Variants in PCDHGB2 observed in about 807,000 individuals in gnomAD.
PCDHGB2 encodes protocadherin gamma subfamily B, 2.
A neutral mutation model predicts 59.3 loss-of-function variants in PCDHGB2; 55 were observed. The ratio of observed to expected loss-of-function variants is 0.93; its 90% confidence interval spans 0.75 to 1.16. The LOEUF (loss-of-function observed/expected upper bound fraction) is 1.16, where lower values mean the gene tolerates loss of function less well. Among genes scored for constraint, PCDHGB2 ranks in the 50% most tolerant of loss-of-function variants. PCDHGB2 has a pLI of 0.00. For missense variants in PCDHGB2, 1,228 were observed against 1,198.5 expected, an observed-to-expected ratio of 1.02 and a Z score of -0.36; for synonymous variants, 516 against 512.0, an observed-to-expected ratio of 1.01 and a Z score of -0.11.
rs1333168918 is a variant in PCDHGB2, at chr5:141,375,648, A to G, written c.2421+13092A>G. On this transcript the variant is annotated intron_variant, in intron 1 of 3. Coordinates refer to ENST00000522605, the MANE Select transcript of PCDHGB2 (RefSeq NM_018923.3). The stretch of plus-strand genomic sequence containing the variant: ...CTGTACGCCCTGCGCTCCTTCGACT[A>G]TGAGCAGTTGAGAGACCTACAGCTG... 3.7e-6 allele frequency: 6 copies of G among 1,614,030 alleles called. No individual in the cohort carries two copies. The African/African-American group carries it at 6.7e-5, about 18-fold the overall frequency.
chr5:141,421,910 C>G, intron 1 of PCDHGB2: 1 of 1,613,716 alleles, frequency 6.2e-7, no homozygotes, highest in Non-Finnish European at 8.5e-7. Flanking sequence ...GGCGCAGTTC[C>G]CATTCGTGTG....
chr5:141,360,953 T>G lies in PCDHGB2; in HGVS notation c.818T>G (p.Ile273Arg). 6.2e-7 allele frequency: 1 copy of G among 1,613,930 alleles called. No individual in the cohort carries two copies. The highest frequency in any genetic ancestry group is 8.5e-7 in the Non-Finnish European group (1 of 1,179,878). ...ACAGCCACCGACCGGGATGAAGGCATAAACGCAGAGATCACCTACTCCTTT... is the reference window on the plus strand; with the variant it reads ...ACAGCCACCGACCGGGATGAAGGCAGAAACGCAGAGATCACCTACTCCTTT... ...QVTATDRDEG[I>R]NAEITYSFHN... Residue 273 changes from isoleucine to arginine, a missense_variant, in exon 1 of 4, where the codon ATA becomes AGA. Around this residue, in one of 3 missense-constraint regions of PCDHGB2, gnomAD observed 781 missense variants for 721.6 expected, o/e 1.08. Coordinates refer to ENST00000522605, the MANE Select transcript of PCDHGB2 (RefSeq NM_018923.3).
At chr5:141,414,135 A>G in intron 1 of PCDHGB2, 1 of 1,595,504 alleles carries the variant, frequency 6.3e-7, no homozygotes, top group Non-Finnish European at 8.5e-7. Context: ...GTTTCTATGA[A>G]ATAGAAATAC....
chr5:141,422,092 G>A (rs2154549502), intron 1 of PCDHGB2: 6 of 1,611,520 alleles, frequency 3.7e-6, no homozygotes, highest in Non-Finnish European at 5.1e-6. Flanking sequence ...GGAAAGCAAG[G>A]CTTCTGAAAT....
intron 1 of PCDHGB2, chr5:141,399,398 G>A (rs1374441258): frequency 6.2e-7 from 1 of 1,613,972 alleles, no homozygotes; most frequent in Non-Finnish European, 8.5e-7. Flanking sequence ...ACAGACAGGG[G>A]CAAGCCGCCC....
intron 1 of PCDHGB2, chr5:141,420,202 C>G: frequency 1.2e-6 from 2 of 1,613,256 alleles, no homozygotes; most frequent in Non-Finnish European, 1.7e-6. Context: ...AAGATAACCT[C>G]AACAAAGATA....
chr5:141,430,245 G>C (rs1000418420), intron 1 of PCDHGB2, among the ~76,000 whole-genome samples: 1 of 104,402 alleles, frequency 9.6e-6, no homozygotes, highest in African/African-American at 6.4e-5. Flanking sequence ...GAAACTCCTA[G>C]GGAGACATCT....
At position 141,477,806 on chromosome 5, in the gene PCDHGB2, G is replaced by GC; in HGVS notation, c.2422-16995dup. Reference sequence around the variant, plus strand: ...ATTTGTCACTGATCGCAATGACAATGCCCCCCAGGTCCTATATCCTCGGCC... The same window carrying GC: ...ATTTGTCACTGATCGCAATGACAATGCCCCCCCAGGTCCTATATCCTCGGCC... On this transcript the variant is annotated intron_variant, in intron 1 of 3. Transcript: ENST00000522605. This position sits in a 1 kb window ranked among gnomAD's most constrained non-coding sequence, Gnocchi z 4.9. 1 of 1,614,114 alleles carries GC rather than the reference G, an allele frequency of 6.2e-7. No homozygotes were observed.
Position 141,361,494 on chromosome 5 carries a change from A to G in PCDHGB2, c.1359A>G (p.Gln453=), listed in dbSNP as rs760056101. 4.1e-5 allele frequency: 66 copies of G among 1,613,860 alleles called. No homozygotes were observed. The highest frequency in any genetic ancestry group is 5.4e-5 in the Non-Finnish European group (64 of 1,179,880). ...SDVNDNAPVF[Q]QTSYMVHVAE... ...TCAACGATAATGCCCCAGTTTTCCA[A>G]CAGACTTCCTACATGGTTCACGTGG... Residue 453 remains glutamine (Q), a synonymous_variant, in exon 1 of 4, where the codon CAA becomes CAG. Transcript: ENST00000522605.
chr5:141,508,777 AG>A (rs1428861784), intron 3 of PCDHGB2, among the ~76,000 whole-genome samples: 3 of 150,778 alleles, frequency 2.0e-5, no homozygotes, highest in Non-Finnish European at 4.4e-5. Context: ...TCCCCCCTCT[AG>A]CCCCTAAATC....
rs187713374 is a variant in PCDHGB2, at chr5:141,430,744, C to G, written c.2422-64063C>G. 2.5e-4 allele frequency: 380 copies of G among 1,498,404 alleles called. 1 individual carries two copies. In the African/African-American group the frequency reaches 4.6e-3, roughly 18 times the overall value. The allele number at this position is 1,498,404 out of a possible 1,614,324, so 92.8% of individuals were successfully genotyped here. A position where few individuals can be genotyped will look rare whatever the true frequency, so the allele number is the denominator to read the frequency against. ...GTTAAGGGCAGAATTGAAAATAATTCTGGAGGAAGATAAGAATGATTCCTG... is the reference window on the plus strand; with the variant it reads ...GTTAAGGGCAGAATTGAAAATAATTGTGGAGGAAGATAAGAATGATTCCTG... On this transcript the variant is annotated intron_variant, in intron 1 of 3. Coordinates refer to ENST00000522605, the MANE Select transcript of PCDHGB2 (RefSeq NM_018923.3).
chr5:141,438,764 C>T (rs963627140), intron 1 of PCDHGB2, among the ~76,000 whole-genome samples: 38 of 148,736 alleles, frequency 2.6e-4, no homozygotes, highest in African/African-American at 9.4e-4. Context: ...TGGGTTCAAG[C>T]GATTCTCCTG....
rs754953894 is a variant in PCDHGB2 at position 141,409,856 on chromosome 5, G to T, written c.2421+47300G>T. 4.0e-5 allele frequency: 64 copies of T among 1,612,232 alleles called. No individual in the cohort carries two copies. Among genetic ancestry groups the T allele is most frequent in the Non-Finnish European group, 5.3e-5 (62 of 1,179,390 alleles). On this transcript the variant is annotated intron_variant, in intron 1 of 3. Coordinates refer to ENST00000522605, the MANE Select transcript of PCDHGB2 (RefSeq NM_018923.3). ...CGCCAACGTGAGCCTGCGCGTGTTG[G>T]TGGGAGACCGCAATGACAACGCACC... is the stretch of plus-strand genomic sequence containing the variant.
At chr5:141,450,815 A>ATTAT (rs1554136868) in intron 1 of PCDHGB2, among the ~76,000 whole-genome samples, 98 of 126,742 alleles carry the variant, frequency 7.7e-4, no homozygotes, top group African/African-American at 3.1e-3. Flanking sequence ...TATTTATTTA[A>ATTAT]TATTATTATT....
At chr5:141,444,507 G>C (rs1213059531) in intron 1 of PCDHGB2, among the ~76,000 whole-genome samples, 1 of 152,068 alleles carries the variant, frequency 6.6e-6, no homozygotes, top group Non-Finnish European at 1.5e-5. Context: ...CTTTGCTCTA[G>C]CAGTATAGTA....
At chr5:141,382,430 T>A (rs984775517) in intron 1 of PCDHGB2, among the ~76,000 whole-genome samples, 10 of 152,106 alleles carry the variant, frequency 6.6e-5, no homozygotes, top group African/African-American at 2.4e-4. Context: ...CCCAAAAGAG[T>A]CACTTGAAAG....
At chr5:141,366,444 T>C (rs1255938272) in intron 1 of PCDHGB2, 2 of 1,614,214 alleles carry the variant, frequency 1.2e-6, no homozygotes, top group Non-Finnish European at 1.7e-6. Flanking sequence ...TGCGTCTTCC[T>C]GGCCTTCGTC....
At chr5:141,451,124 A>T (rs2098707796) in intron 1 of PCDHGB2, among the ~76,000 whole-genome samples, 1 of 152,102 alleles carries the variant, frequency 6.6e-6, no homozygotes, top group Non-Finnish European at 1.5e-5. Context: ...CACCACACCC[A>T]GCCTTATGAT....
intron 1 of PCDHGB2, among the ~76,000 whole-genome samples, chr5:141,463,224 G>C (rs1039535501): frequency 6.6e-6 from 1 of 151,958 alleles, no homozygotes; most frequent in Non-Finnish European, 1.5e-5. Context: ...AATATTCCTG[G>C]AGTTCTTTGT....
Sources: allele counts gnomAD v4.1 joint callset (sites outside exome capture counted in the v4.1 genomes callset), GRCh38; gene constraint gnomAD v4.1.1; regional missense constraint gnomAD v4.1.1; non-coding constraint Gnocchi (gnomAD v3.1); transcripts MANE v1.5; gene names NCBI Gene and HGNC (gene_info 2026-07-23, HGNC 2026-07-21).